HK1: variants seen among roughly 807,000 people sequenced by gnomAD.
The protein encoded by HK1 is hexokinase-1.
Under a neutral mutation model 91.6 loss-of-function variants are expected in HK1, and 28 were observed. That is an observed-to-expected ratio of 0.31 (90% confidence interval 0.23 to 0.42). The LOEUF is 0.42. Among genes scored for constraint, HK1 ranks in the 10% least tolerant of loss-of-function variants. HK1 has a pLI of 1.00. For missense variants in HK1, 770 were observed against 1,219.8 expected, an observed-to-expected ratio of 0.63 and a Z score of 5.49; for synonymous variants, 430 against 468.1, an observed-to-expected ratio of 0.92 and a Z score of 1.05.
chr10:69,378,816 T>C (rs1354380970), intron 8 of HK1, among the ~76,000 whole-genome samples: 1 of 152,216 alleles, frequency 6.6e-6, no homozygotes, highest in East Asian at 1.9e-4. Context: ...AGTCCCACAC[T>C]CTCCTATTCT....
rs139053083 is a variant in HK1, at chr10:69,398,658, C to T, written c.2439C>T (p.Cys813=). ...AGCAGCTAGGTCTGAATAGCACCTGCGATGACAGTATCCTCGTCAAGACAG... is the reference window on the plus strand; with the variant it reads ...AGCAGCTAGGTCTGAATAGCACCTGTGATGACAGTATCCTCGTCAAGACAG... The part of the protein sequence containing the change: ...ILQQLGLNST[C]DDSILVKTVC... The change falls in exon 17 of 18, where the codon TGC becomes TGT. Residue 813 remains cysteine (C), a synonymous_variant. Coordinates refer to ENST00000359426, the MANE Select transcript of HK1 (RefSeq NM_000188.3). 82 of 1,614,130 alleles carry T rather than the reference C, an allele frequency of 5.1e-5. No individual in the cohort carries two copies. Among genetic ancestry groups the T allele is most frequent in the Non-Finnish European group, 6.7e-5 (79 of 1,180,018 alleles).
chr10:69,350,052 A>G (rs1161593489), intron 2 of HK1, among the ~76,000 whole-genome samples: 1 of 152,052 alleles, frequency 6.6e-6, no homozygotes, highest in Non-Finnish European at 1.5e-5. Flanking sequence ...CTGCAGCCCT[A>G]GGCTGACCCC....
intron 8 of HK1, among the ~76,000 whole-genome samples, chr10:69,379,417 G>T (rs958141910): frequency 2.6e-5 from 4 of 152,118 alleles, no homozygotes; most frequent in African/African-American, 9.7e-5. Flanking sequence ...ACTTCAGAAT[G>T]AATCCAACAA....
chr10:69,302,755 CAA>C (rs58435739), intron 5 of HK1, among the ~76,000 whole-genome samples: 89,263 of 127,636 alleles, frequency 0.7, 31,270 homozygotes, highest in Non-Finnish European at 0.79. Context: ...GACCCTGTCT[CAA>C]AAAAAAAAAA....
rs34895304 is a variant in HK1, at chr10:69,320,015, G to A, written c.63+1005G>A. 9.4e-3 allele frequency among the ~76,000 whole-genome samples: 1,430 copies of A among 152,288 alleles called. 24 individuals carry two copies. The highest frequency in any genetic ancestry group is 0.073 in the East Asian group (380 of 5,174). ...CATCTTGACTTTGGCGTTCAGACAGGTGGAGTTCTACAGGTGAAAGGCAGG... is the reference window on the plus strand; with the variant it reads ...CATCTTGACTTTGGCGTTCAGACAGATGGAGTTCTACAGGTGAAAGGCAGG... On this transcript the variant is annotated intron_variant, in intron 1 of 17. Transcript: ENST00000359426.
At chr10:69,355,068 CAAAAAAA>C (rs775908068) in intron 2 of HK1, among the ~76,000 whole-genome samples, 1 of 85,256 alleles carries the variant, frequency 1.2e-5, no homozygotes, top group Non-Finnish European at 2.3e-5. Context: ...GACTCCCTCT[CAAAAAAA>C]AAAAAAAAAA....
chr10:69,344,084 C>A, intron 2 of HK1, 95 bp downstream of exon 2: 1 of 1,260,080 alleles, frequency 7.9e-7, no homozygotes, highest in Non-Finnish European at 1.2e-6. Flanking sequence ...CTCATTCATT[C>A]ATTCACCATT....
intron 1 of HK1, among the ~76,000 whole-genome samples, chr10:69,339,719 C>A (rs879821533): frequency 2.0e-5 from 3 of 152,180 alleles, no homozygotes; most frequent in Admixed American, 6.5e-5. Flanking sequence ...GGAGAGCTGC[C>A]TTTTCTAGAA....
rs771865870 is a variant in HK1 at position 69,398,674 on chromosome 10, G to A, written c.2455G>A (p.Val819Ile). The A allele has an allele frequency of 1.2e-6, 2 of 1,614,170 alleles. No individual in the cohort carries two copies. Among genetic ancestry groups the A allele is most frequent in the Admixed American group, 1.7e-5 (1 of 60,026 alleles). ...TAGCACCTGCGATGACAGTATCCTC[G>A]TCAAGACAGTGTGCGGGGTGGTGTC... ...LNSTCDDSIL[V>I]KTVCGVVSRR... Residue 819 changes from valine to isoleucine, a missense_variant, in exon 17 of 18, where the codon GTC (valine) becomes ATC (isoleucine). Physicochemically the swap from Val to Ile is conservative, Grantham distance 29. Coordinates refer to ENST00000359426, the MANE Select transcript of HK1 (RefSeq NM_000188.3).
In HK1 at chr10:69,321,718, G is replaced by T. The variant is rs143367300; in HGVS notation, c.63+2708G>T. On this transcript the variant is annotated intron_variant, in intron 1 of 17. Transcript: ENST00000359426. ...TGTCATTTCTTTCTTCATTGCCTATGAGGCACATCAATAATTCAACTCCAT... is the reference window on the plus strand; with the variant it reads ...TGTCATTTCTTTCTTCATTGCCTATTAGGCACATCAATAATTCAACTCCAT... Among the ~76,000 whole-genome samples, 1,008 of 152,332 alleles carry T rather than the reference G, an allele frequency of 6.6e-3. 12 individuals are homozygous for T. The highest frequency in any genetic ancestry group is 0.023 in the African/African-American group (953 of 41,572).
intron 8 of HK1, among the ~76,000 whole-genome samples, chr10:69,378,416 A>C (rs1026619790): frequency 6.6e-6 from 1 of 152,052 alleles, no homozygotes; most frequent in Non-Finnish European, 1.5e-5. Flanking sequence ...ATCGTACTGG[A>C]GTCTTAGCCA....
chr10:69,373,351 C>T (rs1400333893), intron 7 of HK1, among the ~76,000 whole-genome samples: 1 of 152,154 alleles, frequency 6.6e-6, no homozygotes, highest in Admixed American at 6.5e-5. Context: ...GTGGCTCCTG[C>T]CTTCATTGGT....
chr10:69,295,201 G>C (rs577275954), intron 3 of HK1, among the ~76,000 whole-genome samples: 6 of 152,318 alleles, frequency 3.9e-5, no homozygotes, highest in Non-Finnish European at 8.8e-5. Context: ...ACACAGCGGG[G>C]CCTGCGGTTC....
intron 2 of HK1, among the ~76,000 whole-genome samples, chr10:69,347,209 C>T (rs1564530010): frequency 6.6e-6 from 1 of 151,968 alleles, no homozygotes; most frequent in African/African-American, 2.4e-5. Flanking sequence ...CGGGGTTTTG[C>T]CATGTTGGCC....
At chr10:69,280,872 A>G (rs1204186386) in intron 1 of HK1, among the ~76,000 whole-genome samples, 1 of 152,210 alleles carries the variant, frequency 6.6e-6, no homozygotes, top group East Asian at 1.9e-4. Flanking sequence ...GGTTCTTTCC[A>G]GTTTTCAAAT....
At chr10:69,292,054 C>T (rs1845317847) in intron 3 of HK1, among the ~76,000 whole-genome samples, 1 of 152,010 alleles carries the variant, frequency 6.6e-6, no homozygotes. Context: ...CCGTAGTTTT[C>T]CTAGGACCAT....
chr10:69,276,105 A>AT (rs1317791716), intron 1 of HK1, among the ~76,000 whole-genome samples: 32 of 58,226 alleles, frequency 5.5e-4, no homozygotes, highest in Non-Finnish European at 9.3e-4. Flanking sequence ...AAAAAAAAAA[A>AT]AAAAAAAAAA....
At chr10:69,381,626 T>TCACTG (rs1839392677) in intron 9 of HK1, among the ~76,000 whole-genome samples, 1 of 149,892 alleles carries the variant, frequency 6.7e-6, no homozygotes, top group South Asian at 2.1e-4. Flanking sequence ...TGCTCTCAGC[T>TCACTG]CACTGCAACC....
chr10:69,368,887 G>A (rs143034610), intron 5 of HK1, among the ~76,000 whole-genome samples: 52 of 152,300 alleles, frequency 3.4e-4, no homozygotes, highest in Non-Finnish European at 5.7e-4. Context: ...GGCTATTCAG[G>A]GAGTGGGTGT....
Sources: gnomAD v4.1 joint callset for allele counts (sites outside exome capture counted in the v4.1 genomes callset) on GRCh38, gnomAD v4.1.1 for gene constraint, MANE v1.5 for transcripts, NCBI Gene and HGNC (gene_info 2026-07-23, HGNC 2026-07-21) for gene names.